The following NCKAP5 variants were observed in gnomAD, a reference collection of about 807,000 sequenced individuals.
NCKAP5 encodes the protein nck-associated protein 5.
In NCKAP5, 92 loss-of-function variants were observed where a neutral mutation model predicts 167.0. The ratio of observed to expected loss-of-function variants is 0.55; its 90% CI spans 0.47 to 0.66. The LOEUF is 0.66. Among genes scored for constraint, NCKAP5 ranks in the 30% least tolerant of loss-of-function variants. The pLI is 0.00. For synonymous variants in NCKAP5, 891 were observed against 877.4 expected (o/e 1.02, Z -0.27); for missense variants, 2,378 against 2,315.0 (o/e 1.03, Z -0.56).
chr2:133,448,866 C>T (rs1029378800), intron 3 of NCKAP5, among the ~76,000 whole-genome samples: 2 of 152,144 alleles, frequency 1.3e-5, no homozygotes, highest in Non-Finnish European at 2.9e-5. Flanking sequence ...TCTCAAACTC[C>T]TGGGCTCCAG....
At chr2:133,197,462 C>CAAAGAATA (rs1057089056) in intron 5 of NCKAP5, among the ~76,000 whole-genome samples, 1 of 152,048 alleles carries the variant, frequency 6.6e-6, no homozygotes, top group African/African-American at 2.4e-5. Flanking sequence ...TAAAGCAAGA[C>CAAAGAATA]AAAGAATACC....
At position 132,807,138 on chromosome 2, in the gene NCKAP5, C is replaced by T. The variant is rs544111926; in HGVS notation, c.808-10409G>A. Among the ~76,000 whole-genome samples, 18 of 152,198 alleles carry T rather than the reference C, an allele frequency of 1.2e-4. No homozygotes were observed. The East Asian group carries it at 2.9e-3, about 24-fold the overall frequency. ...CTATGTGCCTATTTTTATACCAGTG[C>T]CATGCTGTTTTGGTGACTATGGCCT... On this transcript the variant is annotated intron_variant, in intron 11 of 19. Coordinates refer to ENST00000409261, the MANE Select transcript of NCKAP5 (RefSeq NM_207363.3).
At chr2:133,659,172 C>A in the NCKAP5 span, among the ~76,000 whole-genome samples, 2 of 152,062 alleles carry the variant, frequency 1.3e-5, no homozygotes, top group South Asian at 4.1e-4. Flanking sequence ...TCAGTTTCCT[C>A]ATTTGCAAAC....
intron 5 of NCKAP5, among the ~76,000 whole-genome samples, chr2:133,184,026 T>C (rs2084842207): frequency 6.6e-6 from 1 of 152,120 alleles, no homozygotes; most frequent in Admixed American, 6.6e-5. Flanking sequence ...CATGGGCATA[T>C]TGTGTGATGC....
the NCKAP5 span, among the ~76,000 whole-genome samples, chr2:133,655,974 G>A: frequency 2.7e-4 from 41 of 152,174 alleles, no homozygotes; most frequent in African/African-American, 9.9e-4. Context: ...TCATTCCCAG[G>A]GGATCCTTCA....
chr2:133,158,879 A>G (rs1201407198), intron 5 of NCKAP5, among the ~76,000 whole-genome samples: 1 of 150,968 alleles, frequency 6.6e-6, no homozygotes, highest in African/African-American at 2.4e-5. Context: ...GTCAAAAGGG[A>G]GAGGGAATAA....
At chr2:132,848,016 T>C (rs1180673158) in intron 11 of NCKAP5, among the ~76,000 whole-genome samples, 1 of 152,176 alleles carries the variant, frequency 6.6e-6, no homozygotes, top group Non-Finnish European at 1.5e-5. Flanking sequence ...TTAACCAGGG[T>C]AAAGACTCAG....
intron 6 of NCKAP5, among the ~76,000 whole-genome samples, chr2:133,023,628 T>C (rs1480958371): frequency 1.3e-5 from 2 of 152,140 alleles, no homozygotes; most frequent in African/African-American, 2.4e-5. Flanking sequence ...GTTTCCAGGG[T>C]CTATTATTCC....
At chr2:133,257,247 T>C (rs775222711) in intron 4 of NCKAP5, among the ~76,000 whole-genome samples, 7 of 152,164 alleles carry the variant, frequency 4.6e-5, no homozygotes, top group Non-Finnish European at 5.9e-5. Flanking sequence ...CAACAAGCAA[T>C]ATAACTAGGA....
intron 5 of NCKAP5, among the ~76,000 whole-genome samples, chr2:133,152,173 G>A (rs1574198085): frequency 1.3e-5 from 2 of 152,052 alleles, no homozygotes; most frequent in South Asian, 4.1e-4. Flanking sequence ...ACTTTTAAAA[G>A]GTCTTTTGAT....
chr2:133,603,880 G>C, the NCKAP5 span, among the ~76,000 whole-genome samples: 1 of 152,238 alleles, frequency 6.6e-6, no homozygotes, highest in Non-Finnish European at 1.5e-5. Flanking sequence ...CCAGCATCTT[G>C]TTCTGATCTC....
chr2:133,023,558 G>T, intron 6 of NCKAP5, among the ~76,000 whole-genome samples: 1 of 152,150 alleles, frequency 6.6e-6, no homozygotes, highest in East Asian at 1.9e-4. Context: ...CAGGTACTGA[G>T]CGTATTACCC....
chr2:132,796,505 A>C lies in NCKAP5; in HGVS notation c.909+123T>G, dbSNP rs1574253035. ...GAATTTCAGAGAACACAAGAAAGGA[A>C]GGTATTTTTATCTGCCTGACAATGC... On this transcript the variant is annotated intron_variant, in intron 12 of 19. Transcript: ENST00000409261. 13 of 570,786 alleles carry C rather than the reference A, an allele frequency of 2.3e-5. No individual in the cohort carries two copies. In the East Asian group the frequency reaches 3.4e-4, roughly 15 times the overall value. The allele number at this position is 570,786 out of a possible 1,614,324, so 35.4% of individuals were successfully genotyped here.
intron 3 of NCKAP5, among the ~76,000 whole-genome samples, chr2:133,509,945 C>T (rs1226075521): frequency 6.6e-6 from 1 of 152,072 alleles, no homozygotes; most frequent in African/African-American, 2.4e-5. Flanking sequence ...CATGTGGCTT[C>T]GATGACAGCC....
chr2:133,112,660 T>C (rs2081954955), intron 6 of NCKAP5, among the ~76,000 whole-genome samples: 1 of 152,188 alleles, frequency 6.6e-6, no homozygotes, highest in South Asian at 2.1e-4. Flanking sequence ...TCAACTATCA[T>C]TCACAAGAAT....
At chr2:132,813,780 CA>C (rs915641420) in intron 11 of NCKAP5, among the ~76,000 whole-genome samples, 2 of 151,572 alleles carry the variant, frequency 1.3e-5, no homozygotes, top group Non-Finnish European at 2.9e-5. Flanking sequence ...TTTGGAGAAC[CA>C]AAAAAAATTA....
chr2:133,108,764 C>T (rs540656541), intron 6 of NCKAP5, among the ~76,000 whole-genome samples: 1 of 152,282 alleles, frequency 6.6e-6, no homozygotes, highest in East Asian at 1.9e-4. Flanking sequence ...CTATTTAAGA[C>T]ATAAAAGTAA....
intron 2 of NCKAP5, among the ~76,000 whole-genome samples, chr2:133,521,380 C>T (rs1335258418): frequency 3.3e-5 from 5 of 152,228 alleles, no homozygotes; most frequent in Non-Finnish European, 7.3e-5. Flanking sequence ...TGAAAAACTA[C>T]ATTTCTAGTG....
chr2:133,191,624 T>C (rs1026778726), intron 5 of NCKAP5, among the ~76,000 whole-genome samples: 35 of 152,274 alleles, frequency 2.3e-4, no homozygotes, highest in Non-Finnish European at 3.8e-4. Context: ...TGTAGGGACA[T>C]GGATGAAGCT....
Sources: allele counts gnomAD v4.1 joint callset (sites outside exome capture counted in the v4.1 genomes callset), GRCh38; gene constraint gnomAD v4.1.1; transcripts MANE v1.5; gene names NCBI Gene and HGNC (gene_info 2026-07-23, HGNC 2026-07-21).